SGCD: variants seen among roughly 807,000 people sequenced by gnomAD.
The protein encoded by SGCD is sarcoglycan delta.
A neutral mutation model predicts 36.6 loss-of-function variants in SGCD; 18 were observed. The observed-to-expected ratio is 0.49, with a 90% CI of 0.34 to 0.73. SGCD has a LOEUF of 0.73. Among genes scored for constraint, SGCD ranks in the 30% least tolerant of loss-of-function variants. The pLI, the probability that SGCD is intolerant of heterozygous loss-of-function variation, is 0.01. For synonymous variants in SGCD, 133 were observed against 130.6 expected, an observed-to-expected ratio of 1.02 and a Z score of -0.12; for missense variants, 387 against 346.7, an observed-to-expected ratio of 1.12 and a Z score of -0.92.
chr5:156,343,642 G>T (rs1768787156), intron 2 of SGCD, among the ~76,000 whole-genome samples: 2 of 152,114 alleles, frequency 1.3e-5, no homozygotes, highest in South Asian at 4.2e-4. Flanking sequence ...CAACAGCAGG[G>T]ACTTGGAAAA....
At chr5:156,269,510 A>AAAAAAAAAACAAAAG (rs1408141297) in intron 3 of SGCD, among the ~76,000 whole-genome samples, 2 of 137,650 alleles carry the variant, frequency 1.5e-5, no homozygotes, top group Admixed American at 7.5e-5. Context: ...AAAAAAAAAA[A>AAAAAAAAAACAAAAG]CCATCAGATC....
intron 3 of SGCD, among the ~76,000 whole-genome samples, chr5:156,302,782 A>G (rs1767085925): frequency 6.6e-6 from 1 of 152,122 alleles, no homozygotes; most frequent in Non-Finnish European, 1.5e-5. Context: ...TCCCTGTATT[A>G]CCAACTTGTT....
At chr5:156,241,940 T>C (rs1171689057) in intron 3 of SGCD, among the ~76,000 whole-genome samples, 2 of 152,098 alleles carry the variant, frequency 1.3e-5, no homozygotes, top group Non-Finnish European at 2.9e-5. Flanking sequence ...AAATGGAGCA[T>C]AGTGGCCCAG....
At chr5:156,377,412 A>G (rs1480832025) in intron 3 of SGCD, among the ~76,000 whole-genome samples, 1 of 152,230 alleles carries the variant, frequency 6.6e-6, no homozygotes, top group Non-Finnish European at 1.5e-5. Flanking sequence ...TTCTCACAAC[A>G]CACTATGTTT....
chr5:155,939,708 A>G (rs775513864), intron 1 of SGCD, among the ~76,000 whole-genome samples: 8 of 151,930 alleles, frequency 5.3e-5, no homozygotes, highest in Non-Finnish European at 1.0e-4. Context: ...AAAGAATTAA[A>G]AAACAATTTA....
At chr5:155,879,656 C>T (rs1459286017) in intron 1 of SGCD, among the ~76,000 whole-genome samples, 5 of 152,034 alleles carry the variant, frequency 3.3e-5, no homozygotes, top group Admixed American at 6.6e-5. Context: ...CATTGTTTTT[C>T]CTCTCAAACT....
At chr5:156,369,990 G>T (rs1395947131) in intron 3 of SGCD, among the ~76,000 whole-genome samples, 1 of 152,098 alleles carries the variant, frequency 6.6e-6, no homozygotes, top group Non-Finnish European at 1.5e-5. Context: ...AGCTATTACA[G>T]GTTGTCTAAC....
chr5:156,244,481 T>A (rs1034044356), intron 3 of SGCD, among the ~76,000 whole-genome samples: 14 of 152,212 alleles, frequency 9.2e-5, no homozygotes, highest in Admixed American at 9.2e-4. Flanking sequence ...GAATGTTCTA[T>A]AGGAAATACA....
chr5:156,082,063 G>C (rs978793088), intron 1 of SGCD, among the ~76,000 whole-genome samples: 3 of 152,144 alleles, frequency 2.0e-5, no homozygotes, highest in African/African-American at 7.2e-5. Context: ...ACAAATGACT[G>C]TCCAGGTGTG....
intron 3 of SGCD, among the ~76,000 whole-genome samples, chr5:156,356,871 A>G (rs1200227529): frequency 6.6e-6 from 1 of 152,176 alleles, no homozygotes; most frequent in East Asian, 1.9e-4. Flanking sequence ...AGGCAATATG[A>G]TCAGAGAAGC....
At chr5:156,671,647 G>A (rs1753300015) in intron 7 of SGCD, among the ~76,000 whole-genome samples, 1 of 152,112 alleles carries the variant, frequency 6.6e-6, no homozygotes, top group Non-Finnish European at 1.5e-5. Context: ...CTTATTGGGT[G>A]GCAGGCTTCT....
chr5:156,089,815 T>A (rs1225399082), intron 1 of SGCD, among the ~76,000 whole-genome samples: 1 of 152,192 alleles, frequency 6.6e-6, no homozygotes, highest in East Asian at 1.9e-4. Context: ...CCATATTAGG[T>A]TGGCAAGAGT....
chr5:156,489,447 C>A (rs1222690257), intron 3 of SGCD, among the ~76,000 whole-genome samples: 1 of 152,006 alleles, frequency 6.6e-6, no homozygotes, highest in Non-Finnish European at 1.5e-5. Flanking sequence ...ATACATAGAA[C>A]ATTATCCAGG....
intron 1 of SGCD, among the ~76,000 whole-genome samples, chr5:155,940,099 T>C (rs1017961640): frequency 5.9e-5 from 9 of 152,134 alleles, no homozygotes; most frequent in African/African-American, 2.2e-4. Context: ...CAGCTTTTCA[T>C]GTGTTGGGAT....
intron 3 of SGCD, among the ~76,000 whole-genome samples, chr5:156,152,270 A>T (rs1581132432): frequency 6.6e-6 from 1 of 151,552 alleles, no homozygotes; most frequent in South Asian, 2.1e-4. Context: ...AAACTCCTTT[A>T]TGTGTCTTTA....
chr5:156,440,301 C>A (rs1361041607), intron 3 of SGCD, among the ~76,000 whole-genome samples: 1 of 151,980 alleles, frequency 6.6e-6, no homozygotes, highest in African/African-American at 2.4e-5. Flanking sequence ...GTACTTTATT[C>A]TTTTTTATTG....
intron 6 of SGCD, among the ~76,000 whole-genome samples, chr5:156,599,132 T>C (rs1013555128): frequency 6.6e-6 from 1 of 152,228 alleles, no homozygotes; most frequent in Non-Finnish European, 1.5e-5. Context: ...GAGCTTCTTA[T>C]CAGCTGGGAT....
intron 1 of SGCD, among the ~76,000 whole-genome samples, chr5:156,003,338 A>G (rs1212030339): frequency 6.6e-6 from 1 of 152,242 alleles, no homozygotes; most frequent in East Asian, 1.9e-4. Flanking sequence ...AAAGCTAGAT[A>G]GGTGTTTATT....
At chr5:156,107,152 G>C (rs181408226) in intron 1 of SGCD, among the ~76,000 whole-genome samples, 11 of 152,156 alleles carry the variant, frequency 7.2e-5, no homozygotes, top group Admixed American at 6.6e-4. Context: ...TACTGCTGCT[G>C]TCTGCTACCA....
Sources: allele counts gnomAD v4.1 joint callset (sites outside exome capture counted in the v4.1 genomes callset), GRCh38; gene constraint gnomAD v4.1.1; transcripts MANE v1.5; gene names NCBI Gene and HGNC (gene_info 2026-07-23, HGNC 2026-07-21).